Variants in DLGAP2 observed in about 807,000 individuals in gnomAD.
DLGAP2 encodes DLG associated protein 2.
In DLGAP2, 26 loss-of-function variants were observed where a neutral mutation model predicts 100.3. The observed-to-expected ratio is 0.26, with a 90% CI of 0.19 to 0.36. The LOEUF (loss-of-function observed/expected upper bound fraction) is 0.36, where lower values mean the gene tolerates loss of function less well. DLGAP2 is among the 10% of genes least tolerant of loss of function. DLGAP2 has a pLI of 1.00. For missense variants in DLGAP2, 1,858 were observed against 1,453.2 expected, an observed-to-expected ratio of 1.28 and a Z score of -4.53; for synonymous variants, 886 against 630.1, an observed-to-expected ratio of 1.41 and a Z score of -6.08.
At chr8:1,250,048 T>C (rs1396643937) in intron 2 of DLGAP2, among the ~76,000 whole-genome samples, 1 of 152,138 alleles carries the variant, frequency 6.6e-6, no homozygotes. Flanking sequence ...ACCCGGCTAA[T>C]TTTTGTATTT....
intron 2 of DLGAP2, among the ~76,000 whole-genome samples, chr8:1,059,339 GAGA>G (rs3048050): frequency 0.45 from 67,632 of 151,548 alleles, 16,021 homozygotes; most frequent in African/African-American, 0.61. Flanking sequence ...CTTCTCCGTG[GAGA>G]AGGCATGAGG....
At chr8:1,066,708 G>C (rs934548203) in intron 2 of DLGAP2, among the ~76,000 whole-genome samples, 3 of 152,224 alleles carry the variant, frequency 2.0e-5, no homozygotes, top group Non-Finnish European at 4.4e-5. Flanking sequence ...TGAGTGAGGA[G>C]GGCAGCTCCA....
chr8:1,296,739 C>T, intron 3 of DLGAP2, among the ~76,000 whole-genome samples: 1 of 152,324 alleles, frequency 6.6e-6, no homozygotes, highest in African/African-American at 2.4e-5. Context: ...TTTGGGTTCG[C>T]TTGCGGGAAA....
At chr8:786,520 C>T (rs924451142) in intron 1 of DLGAP2, among the ~76,000 whole-genome samples, 9 of 152,314 alleles carry the variant, frequency 5.9e-5, no homozygotes, top group African/African-American at 2.2e-4. Context: ...TTGAAGCAGC[C>T]TTGCTGTACA....
chr8:1,560,083 G>A (rs2130555133), intron 5 of DLGAP2, among the ~76,000 whole-genome samples: 1 of 152,204 alleles, frequency 6.6e-6, no homozygotes, highest in Non-Finnish European at 1.5e-5. Flanking sequence ...TAAAAATAAG[G>A]GTGTTTATTA....
chr8:767,948 A>G (rs1234537824), intron 1 of DLGAP2, among the ~76,000 whole-genome samples: 2 of 152,188 alleles, frequency 1.3e-5, no homozygotes, highest in Non-Finnish European at 2.9e-5. Context: ...GCTGTTTTTT[A>G]CAATGTAAGA....
At position 1,548,758 on chromosome 8, in the gene DLGAP2, C is replaced by A. The variant is rs200906543; in HGVS notation, c.305C>A (p.Ala102Glu). The A allele has an allele frequency of 3.7e-6, 6 of 1,601,176 alleles. No homozygotes were observed. The highest frequency in any genetic ancestry group is 2.6e-6 in the Non-Finnish European group (3 of 1,175,986). Residue 102 changes from alanine (A) to glutamate (E), a missense_variant, in exon 5 of 15, where the codon GCG (alanine) becomes GAG (glutamate). By Grantham distance (107) the Ala-to-Glu change is moderately radical (BLOSUM62 -1). Transcript: ENST00000637795. ...PLCSGHTCGL[A>E]PPEDCEHLHH... ...TGTTCCGGGCACACGTGTGGTCTGG[C>A]GCCCCCGGAGGACTGCGAGCACCTG... is the stretch of plus-strand genomic sequence containing the variant.
At chr8:1,047,577 C>T (rs993726900) in intron 2 of DLGAP2, among the ~76,000 whole-genome samples, 2 of 152,134 alleles carry the variant, frequency 1.3e-5, no homozygotes, top group Non-Finnish European at 2.9e-5. Context: ...ATTTATTTCC[C>T]AAGGTTCTGG....
chr8:1,025,924 A>G (rs963958208), intron 2 of DLGAP2, among the ~76,000 whole-genome samples: 1 of 152,172 alleles, frequency 6.6e-6, no homozygotes, highest in Non-Finnish European at 1.5e-5. Context: ...AAAGTTCCGT[A>G]GAGTTTCTAG....
intron 2 of DLGAP2, among the ~76,000 whole-genome samples, chr8:1,218,622 T>G (rs1374369752): frequency 1.3e-5 from 2 of 152,204 alleles, no homozygotes; most frequent in South Asian, 2.1e-4. Flanking sequence ...TTCAGGCTCT[T>G]TTTTGTTTTA....
intron 2 of DLGAP2, among the ~76,000 whole-genome samples, chr8:925,293 TG>T (rs1043597685): frequency 9.8e-5 from 15 of 152,306 alleles, no homozygotes; most frequent in African/African-American, 2.2e-4. Flanking sequence ...TTAATTATAA[TG>T]TTTTTTTTGT....
chr8:920,001 A>G (rs1474983378), intron 2 of DLGAP2, among the ~76,000 whole-genome samples: 1 of 152,198 alleles, frequency 6.6e-6, no homozygotes, highest in Non-Finnish European at 1.5e-5. Context: ...GGACTCCTGG[A>G]GCTCATGCCC....
At position 1,602,509 on chromosome 8, in the gene DLGAP2, C is replaced by T. The variant is rs140873228; in HGVS notation, c.1443-24231C>T. On this transcript the variant is annotated intron_variant, in intron 6 of 14. Coordinates refer to ENST00000637795, the MANE Select transcript of DLGAP2 (RefSeq NM_001346810.2). ...CCAGAGCTAGCCAGGGCTGGAGGCC[C>T]GAATCCACGGAGGCCGGGCCAGGCC... Among the ~76,000 whole-genome samples the T allele has an allele frequency of 3.0e-4, 45 of 152,334 alleles. No homozygotes were observed. In the East Asian group the frequency reaches 4.6e-3, roughly 16 times the overall value.
chr8:778,613 G>A (rs1469515848), intron 1 of DLGAP2, among the ~76,000 whole-genome samples: 1 of 152,144 alleles, frequency 6.6e-6, no homozygotes, highest in Non-Finnish European at 1.5e-5. Context: ...CCCTGTGTCA[G>A]TGTACCCCTG....
intron 3 of DLGAP2, among the ~76,000 whole-genome samples, chr8:1,285,807 A>C (rs1799909869): frequency 6.6e-6 from 1 of 152,128 alleles, no homozygotes; most frequent in Admixed American, 6.6e-5. Flanking sequence ...CTTCTCTACA[A>C]ATAATTTAAA....
intron 1 of DLGAP2, among the ~76,000 whole-genome samples, chr8:750,735 G>A (rs1002980854): frequency 1.6e-4 from 24 of 152,208 alleles, no homozygotes; most frequent in Non-Finnish European, 2.4e-4. Flanking sequence ...CCCACGGCTC[G>A]CCGTCTGCAG....
At chr8:1,104,296 G>C (rs1443158038) in intron 2 of DLGAP2, among the ~76,000 whole-genome samples, 1 of 152,120 alleles carries the variant, frequency 6.6e-6, no homozygotes, top group Non-Finnish European at 1.5e-5. Flanking sequence ...GCTCAGGAGT[G>C]GGTTCCAGCC....
intron 1 of DLGAP2, among the ~76,000 whole-genome samples, chr8:907,393 C>G (rs1033473751): frequency 1.3e-5 from 2 of 152,180 alleles, no homozygotes; most frequent in Non-Finnish European, 2.9e-5. Flanking sequence ...CCTTCACTTA[C>G]CAAATAAGAT....
intron 3 of DLGAP2, chr8:1,377,833 G>C (rs10046685): frequency 6.6e-6 from 1 of 152,270 alleles, no homozygotes; most frequent in Non-Finnish European, 1.5e-5. Flanking sequence ...CCGAGCATAG[G>C]CACGGAAGTG....
Sources: allele counts gnomAD v4.1 joint callset (sites outside exome capture counted in the v4.1 genomes callset), GRCh38; gene constraint gnomAD v4.1.1; transcripts MANE v1.5; gene names NCBI Gene and HGNC (gene_info 2026-07-23, HGNC 2026-07-21).